COL5A2: variants seen among roughly 807,000 people sequenced by gnomAD.
COL5A2 encodes the protein collagen alpha-2(V) chain.
Under a neutral mutation model 208.2 loss-of-function variants are expected in COL5A2, and 23 were observed. The observed-to-expected ratio is 0.11, with a 90% confidence interval of 0.08 to 0.16. COL5A2 has a LOEUF of 0.16. COL5A2 is among the 10% of genes least tolerant of loss of function. The pLI, the probability that COL5A2 is intolerant of heterozygous loss-of-function variation, is 1.00. For missense variants in COL5A2, 1,590 were observed against 1,956.4 expected (o/e 0.81, Z 3.53); for synonymous variants, 625 against 628.5 (o/e 0.99, Z 0.08).
chr2:189,061,409 C>A (rs941276429), intron 30 of COL5A2, among the ~76,000 whole-genome samples, 153 bp downstream of exon 30: 1 of 151,140 alleles, frequency 6.6e-6, no homozygotes, highest in Non-Finnish European at 1.5e-5. Context: ...CAAAAATGTT[C>A]GATTTTATCC....
rs546272789 is a variant in COL5A2 at position 189,053,790 on chromosome 2, A to C, written c.2499+105T>G. On this transcript the variant is annotated intron_variant, in intron 37 of 53. Transcript: ENST00000374866. ...AGCTAAAAACCAGGAAGTTATACAT[A>C]ACCTAAAACCAATAAGCATTGTTTT... 1.0e-4 allele frequency: 106 copies of C among 1,041,036 alleles called. No individual in the cohort carries two copies. In the East Asian group the frequency reaches 2.7e-3, roughly 27 times the overall value. 64.5% of individuals were successfully genotyped at this position (1,041,036 alleles called of 1,614,324 possible).
chr2:189,111,016 GTAGAATTCTATTTGA>G (rs150139131), intron 1 of COL5A2, among the ~76,000 whole-genome samples: 2,633 of 152,212 alleles, frequency 0.017, 65 homozygotes, highest in African/African-American at 0.061. Flanking sequence ...ATTTCATGGA[GTAGAATTCTATTTGA>G]TATACTAAAT....
At chr2:189,062,156 T>C (rs1686046363) in intron 29 of COL5A2, among the ~76,000 whole-genome samples, 1 of 149,088 alleles carries the variant, frequency 6.7e-6, no homozygotes, top group Non-Finnish European at 1.5e-5. Context: ...GTATTATTCC[T>C]TTTATGTCCT....
At chr2:189,214,399 A>T (rs562182393) in intron 1 of COL5A2, among the ~76,000 whole-genome samples, 5 of 152,228 alleles carry the variant, frequency 3.3e-5, no homozygotes, top group African/African-American at 9.6e-5. Flanking sequence ...ATGTCATGTT[A>T]GACACAACAA....
chr2:189,063,926 T>C (rs1382403144), intron 26 of COL5A2, 54 bp downstream of exon 26: 4 of 1,347,666 alleles, frequency 3.0e-6, no homozygotes, highest in Non-Finnish European at 4.3e-6. Flanking sequence ...TCATTTAAGT[T>C]GCATGTCTGT....
chr2:189,100,020 A>G, intron 4 of COL5A2, 87 bp downstream of exon 4: 2 of 1,129,580 alleles, frequency 1.8e-6, no homozygotes, highest in Non-Finnish European at 2.6e-6. Context: ...TATTTTTGAA[A>G]GTATGTACAT....
At chr2:189,173,461 C>T (rs1688613107) in intron 1 of COL5A2, among the ~76,000 whole-genome samples, 1 of 152,046 alleles carries the variant, frequency 6.6e-6, no homozygotes, top group Non-Finnish European at 1.5e-5. Context: ...ATGGTCACAC[C>T]TTTAAAGCAA....
the COL5A2 span, among the ~76,000 whole-genome samples, chr2:189,404,716 T>A: frequency 6.6e-6 from 1 of 152,340 alleles, no homozygotes; most frequent in Middle Eastern, 3.4e-3. Flanking sequence ...TAATGTCTCA[T>A]ATTCACAGGT....
chr2:189,279,174 G>T, the COL5A2 span, among the ~76,000 whole-genome samples: 1 of 151,686 alleles, frequency 6.6e-6, no homozygotes, highest in African/African-American at 2.4e-5. Context: ...AGGAAAGAAA[G>T]AAAGAATAAG....
At chr2:189,049,546 G>T in intron 43 of COL5A2, 92 bp from the exon 44 acceptor site, 1 of 907,744 alleles carries the variant, frequency 1.1e-6, no homozygotes, top group Non-Finnish European at 1.8e-6. Flanking sequence ...GTGCCTCTGG[G>T]CTCCTTCTAT....
chr2:189,312,017 C>A, the COL5A2 span: 4 of 753,196 alleles, frequency 5.3e-6, no homozygotes, highest in Non-Finnish European at 9.7e-6. Context: ...CAGACTGGCA[C>A]ATGGCCAGCT....
At chr2:189,256,773 G>T in the COL5A2 span, among the ~76,000 whole-genome samples, 1 of 152,226 alleles carries the variant, frequency 6.6e-6, no homozygotes, top group Non-Finnish European at 1.5e-5. Context: ...GACTACAGGA[G>T]CACACCACCA....
chr2:189,324,995 T>A, the COL5A2 span, among the ~76,000 whole-genome samples: 2 of 152,104 alleles, frequency 1.3e-5, no homozygotes, highest in African/African-American at 4.8e-5. Flanking sequence ...CCATAAAAAA[T>A]GATGAGTTCA....
the COL5A2 span, among the ~76,000 whole-genome samples, chr2:189,274,723 G>A: frequency 6.6e-6 from 1 of 151,656 alleles, no homozygotes; most frequent in Non-Finnish European, 1.5e-5. Flanking sequence ...ATCAAAAAGA[G>A]AATTACCATT....
the COL5A2 span, among the ~76,000 whole-genome samples, chr2:189,379,829 A>T: frequency 6.6e-6 from 1 of 152,100 alleles, no homozygotes; most frequent in Non-Finnish European, 1.5e-5. Flanking sequence ...TCCTTTCATA[A>T]CTCTGCTCAG....
chr2:189,276,039 A>AT, the COL5A2 span, among the ~76,000 whole-genome samples: 1 of 152,162 alleles, frequency 6.6e-6, no homozygotes, highest in African/African-American at 2.4e-5. Flanking sequence ...ACATTATGAA[A>AT]TTTTCACTTT....
At chr2:189,087,961 A>C (rs1686701110) in intron 8 of COL5A2, among the ~76,000 whole-genome samples, 2 of 152,156 alleles carry the variant, frequency 1.3e-5, no homozygotes, top group Non-Finnish European at 2.9e-5. Flanking sequence ...AAAAATATAC[A>C]AATAATATTT....
the COL5A2 span, among the ~76,000 whole-genome samples, chr2:189,283,659 T>C: frequency 6.6e-6 from 1 of 152,050 alleles, no homozygotes; most frequent in Admixed American, 6.6e-5. Flanking sequence ...GAAATTTGAA[T>C]CAAGTATGAA....
At chr2:189,127,292 C>T (rs557779617) in intron 1 of COL5A2, among the ~76,000 whole-genome samples, 1 of 152,182 alleles carries the variant, frequency 6.6e-6, no homozygotes, top group South Asian at 2.1e-4. Flanking sequence ...TGATGGCCTT[C>T]AGTCTTCTTT....
Sources: allele counts gnomAD v4.1 joint callset (sites outside exome capture counted in the v4.1 genomes callset), GRCh38; gene constraint gnomAD v4.1.1; transcripts MANE v1.5; gene names NCBI Gene and HGNC (gene_info 2026-07-23, HGNC 2026-07-21).